The following ATP6V0A1 variants were observed in gnomAD, a reference collection of about 807,000 sequenced individuals.
ATP6V0A1 encodes the protein ATPase H+ transporting V0 subunit a1.
In ATP6V0A1, 43 loss-of-function variants were observed where a neutral mutation model predicts 105.4. The ratio of observed to expected loss-of-function variants is 0.41; its 90% CI spans 0.32 to 0.53. The LOEUF is 0.53. ATP6V0A1 is among the 20% of genes least tolerant of loss of function. The pLI, the probability that ATP6V0A1 is intolerant of heterozygous loss-of-function variation, is 0.30. For missense variants in ATP6V0A1, 676 were observed against 1,051.1 expected (o/e 0.64, Z 4.93); for synonymous variants, 362 against 372.8 (o/e 0.97, Z 0.33).
rs2091649037 is a variant in ATP6V0A1 at position 42,501,316 on chromosome 17, T to A, written c.2004+12T>A. 6.3e-7 allele frequency: 1 copy of A among 1,599,870 alleles called. No homozygotes were observed. The highest frequency in any genetic ancestry group is 8.6e-7 in the Non-Finnish European group (1 of 1,168,584). ...GGAGAAAGCATTTGGTAGGTGTATT[T>A]CTATTGCTAAAAGTTACTAGACTTT... On this transcript the variant is annotated intron_variant, in intron 17 of 21. Transcript: ENST00000343619.
rs1531847 is a variant in ATP6V0A1, at chr17:42,495,381, T to C, written c.1469+193T>C. On this transcript the variant is annotated intron_variant, in intron 13 of 21. Coordinates refer to ENST00000343619, the MANE Select transcript of ATP6V0A1 (RefSeq NM_001130021.3). ...ACTAAGATTAGAAATGATTTTTTTT[T>C]TTTTTGGAAACTAAAACCAGATTCC... 9.2e-3 allele frequency among the ~76,000 whole-genome samples: 1,407 copies of C among 152,264 alleles called. 30 individuals are homozygous for C. The highest frequency in any genetic ancestry group is 0.032 in the African/African-American group (1,333 of 41,540).
intron 7 of ATP6V0A1, 43 bp from the exon 8 acceptor site, chr17:42,480,624 G>A: frequency 1.3e-6 from 2 of 1,573,546 alleles, no homozygotes; most frequent in Non-Finnish European, 1.7e-6. Context: ...TTTTCATCCA[G>A]ATACAGAAGT....
intron 14 of ATP6V0A1, among the ~76,000 whole-genome samples, chr17:42,497,362 A>T (rs1049929399): frequency 1.4e-4 from 21 of 150,280 alleles, no homozygotes; most frequent in Non-Finnish European, 2.5e-4. Flanking sequence ...TATTGACTAT[A>T]TATTTTATGA....
At chr17:42,494,870 G>A in intron 12 of ATP6V0A1, 164 bp from the exon 13 acceptor site, 1 of 676,232 alleles carries the variant, frequency 1.5e-6, no homozygotes, top group Non-Finnish European at 2.4e-6. Flanking sequence ...TCCTGTGAAA[G>A]TGACTGTCTC....
intron 17 of ATP6V0A1, 75 bp downstream of exon 17, chr17:42,501,379 T>G: frequency 1.9e-6 from 2 of 1,057,130 alleles, no homozygotes; most frequent in Admixed American, 4.3e-5. Flanking sequence ...CCAGTGGATA[T>G]AATTAATTGT....
chr17:42,500,093 A>T (rs1479952539), intron 15 of ATP6V0A1, among the ~76,000 whole-genome samples: 1 of 149,612 alleles, frequency 6.7e-6, no homozygotes, highest in Non-Finnish European at 1.5e-5. Flanking sequence ...AAAAAAAAAA[A>T]AGTTATGAAC....
intron 2 of ATP6V0A1, among the ~76,000 whole-genome samples, chr17:42,464,946 ATCT>A (rs1006586431): frequency 9.9e-5 from 15 of 151,882 alleles, no homozygotes; most frequent in African/African-American, 3.4e-4. Flanking sequence ...GGTTGGGTTC[ATCT>A]TCTTCTCTAT....
chr17:42,517,707 G>A (rs1172592087), intron 21 of ATP6V0A1, among the ~76,000 whole-genome samples: 2 of 152,162 alleles, frequency 1.3e-5, no homozygotes, highest in Admixed American at 6.5e-5. Flanking sequence ...TGCAGGAGGC[G>A]TTCTGAGCTG....
chr17:42,477,383 TA>T (rs879338388), intron 5 of ATP6V0A1, among the ~76,000 whole-genome samples: 1 of 152,174 alleles, frequency 6.6e-6, no homozygotes, highest in Non-Finnish European at 1.5e-5. Context: ...CACCATCACT[TA>T]ATTTTTTTTC....
In ATP6V0A1 at chr17:42,495,692, A is replaced by C; in HGVS notation, c.1536A>C (p.Gly512=). The C allele has an allele frequency of 1.2e-6, 2 of 1,614,002 alleles. No homozygotes were observed. Among genetic ancestry groups the C allele is most frequent in the Non-Finnish European group, 1.7e-6 (2 of 1,179,864 alleles). The change falls in exon 14 of 22, where the codon GGA becomes GGC. Residue 512 remains glycine, a synonymous_variant. Transcript: ENST00000343619. ...LNPALPGVFG[G]PYPFGIDPIW... is the part of the protein sequence containing the mutation. ...CAGCCCTCCCTGGAGTGTTTGGTGG[A>C]CCATACCCTTTTGGCATTGATCCAG...
intron 3 of ATP6V0A1, 66 bp from the exon 4 acceptor site, chr17:42,467,944 T>A: frequency 9.2e-7 from 1 of 1,084,496 alleles, no homozygotes; most frequent in African/African-American, 1.6e-5. Context: ...TTAATTCTTT[T>A]CCTTAAATAA....
At chr17:42,467,677 G>C (rs2087279617) in intron 3 of ATP6V0A1, among the ~76,000 whole-genome samples, 1 of 152,116 alleles carries the variant, frequency 6.6e-6, no homozygotes, top group Non-Finnish European at 1.5e-5. Context: ...TCTATAAGCA[G>C]AACTGTCATA....
At chr17:42,512,712 T>C (rs1311860450) in intron 19 of ATP6V0A1, among the ~76,000 whole-genome samples, 1 of 152,242 alleles carries the variant, frequency 6.6e-6, no homozygotes, top group Non-Finnish European at 1.5e-5. Context: ...CCAAGCCACT[T>C]TCTCCCATCC....
rs1253490261 is a variant in ATP6V0A1, at chr17:42,499,023, C to A, written c.1660C>A (p.Leu554Met). 1 of 1,608,778 alleles carries A rather than the reference C, an allele frequency of 6.2e-7. No individual in the cohort carries two copies. The highest frequency in any genetic ancestry group is 2.2e-5 in the East Asian group (1 of 44,844). ...GIIHMLFGVS[L>M]SLFNHIYFKK... Reference sequence around the variant, plus strand: ...CATCCATATGCTGTTTGGAGTCAGCCTGAGTCTGTTCAACCATATGTGAGT... The same window carrying A: ...CATCCATATGCTGTTTGGAGTCAGCATGAGTCTGTTCAACCATATGTGAGT... The change falls in exon 15 of 22, where the codon CTG becomes ATG. Residue 554 changes from leucine (L) to methionine (M), a missense_variant. By Grantham distance (15) the Leu-to-Met change is conservative. Coordinates refer to ENST00000343619, the MANE Select transcript of ATP6V0A1 (RefSeq NM_001130021.3).
intron 10 of ATP6V0A1, 114 bp downstream of exon 10, chr17:42,487,481 A>G: frequency 2.9e-6 from 3 of 1,037,860 alleles, no homozygotes; most frequent in Non-Finnish European, 4.3e-6. Flanking sequence ...TAATCCCAGA[A>G]CTTTGGGAGG....
At chr17:42,520,904 TC>T in intron 21 of ATP6V0A1, 122 bp from the exon 22 acceptor site, 4 of 829,400 alleles carry the variant, frequency 4.8e-6, no homozygotes, top group Non-Finnish European at 7.7e-6. Flanking sequence ...TTCTCTAGCT[TC>T]CCCAGGGAAG....
chr17:42,519,806 G>A (rs2092765455), intron 21 of ATP6V0A1: 1 of 152,420 alleles, frequency 6.6e-6, no homozygotes, highest in East Asian at 1.9e-4. Flanking sequence ...GTGGGGATGT[G>A]GGGAAGAAAG....
intron 9 of ATP6V0A1, 100 bp from the exon 10 acceptor site, chr17:42,487,054 TG>T: frequency 8.6e-7 from 1 of 1,163,260 alleles, no homozygotes; most frequent in Non-Finnish European, 1.3e-6. Context: ...GACAATTCCC[TG>T]GCAACTCTTT....
intron 17 of ATP6V0A1, among the ~76,000 whole-genome samples, chr17:42,506,000 C>A (rs1016216417): frequency 6.6e-6 from 1 of 152,096 alleles, no homozygotes; most frequent in African/African-American, 2.4e-5. Context: ...GTTGGCCAGG[C>A]TGATCACGAA....
Sources: gnomAD v4.1 joint callset for allele counts (sites outside exome capture counted in the v4.1 genomes callset) on GRCh38, gnomAD v4.1.1 for gene constraint, MANE v1.5 for transcripts, NCBI Gene and HGNC (gene_info 2026-07-23, HGNC 2026-07-21) for gene names.